The following GPC6 variants were observed in gnomAD, a reference collection of about 807,000 sequenced individuals.
GPC6 encodes glypican 6.
In GPC6, 14 loss-of-function variants were observed where a neutral mutation model predicts 55.2. That is an observed-to-expected ratio of 0.25 (90% CI 0.17 to 0.40). GPC6 has a LOEUF of 0.40. Among genes scored for constraint, GPC6 ranks in the 10% least tolerant of loss-of-function variants. The pLI, the probability that GPC6 is intolerant of heterozygous loss-of-function variation, is 1.00. For synonymous variants in GPC6, 278 were observed against 259.6 expected, an observed-to-expected ratio of 1.07 and a Z score of -0.68; for missense variants, 641 against 708.5, an observed-to-expected ratio of 0.90 and a Z score of 1.08.
intron 3 of GPC6, among the ~76,000 whole-genome samples, chr13:93,919,295 A>G (rs547049004): frequency 1.9e-4 from 29 of 152,270 alleles, no homozygotes; most frequent in African/African-American, 6.5e-4. Context: ...CACAAGAAAG[A>G]CCTAATGCAG....
intron 3 of GPC6, among the ~76,000 whole-genome samples, chr13:93,919,060 G>A (rs559597970): frequency 6.6e-6 from 1 of 152,266 alleles, no homozygotes; most frequent in Admixed American, 6.5e-5. Context: ...TGACGAGTGA[G>A]TTCTTGGTCA....
intron 2 of GPC6, among the ~76,000 whole-genome samples, chr13:93,739,335 C>A (rs12584151): frequency 0.051 from 7,696 of 151,960 alleles, 392 homozygotes; most frequent in East Asian, 0.28. Flanking sequence ...AAAAGGGAGT[C>A]ATTTTTCCTG....
At chr13:94,174,859 A>G (rs1034553159) in intron 4 of GPC6, among the ~76,000 whole-genome samples, 2 of 152,114 alleles carry the variant, frequency 1.3e-5, no homozygotes, top group Non-Finnish European at 2.9e-5. Context: ...TTAATTTTTT[A>G]ATTTACCTAT....
At chr13:93,505,669 A>C (rs1880686497) in intron 1 of GPC6, among the ~76,000 whole-genome samples, 1 of 152,190 alleles carries the variant, frequency 6.6e-6, no homozygotes, top group African/African-American at 2.4e-5. Flanking sequence ...AAAGCACAAA[A>C]ATGCAAAAGA....
intron 4 of GPC6, among the ~76,000 whole-genome samples, chr13:94,250,715 A>G (rs1053368171): frequency 6.6e-6 from 1 of 152,102 alleles, no homozygotes; most frequent in Non-Finnish European, 1.5e-5. Context: ...TAATCTGGGA[A>G]TGGGGAAGTT....
chr13:94,337,080 A>G (rs59573621), intron 6 of GPC6, among the ~76,000 whole-genome samples: 2 of 152,224 alleles, frequency 1.3e-5, no homozygotes, highest in East Asian at 1.9e-4. Flanking sequence ...CCCTGTTCAG[A>G]GACAAATCTG....
intron 1 of GPC6, among the ~76,000 whole-genome samples, chr13:93,445,865 G>A (rs573495945): frequency 4.6e-5 from 7 of 152,228 alleles, no homozygotes; most frequent in African/African-American, 1.7e-4. Flanking sequence ...AAATATTAAT[G>A]GTTATACAAA....
At chr13:93,224,089 G>T (rs1181190882), upstream of GPC6, among the ~76,000 whole-genome samples, 1 of 151,734 alleles carries the variant, frequency 6.6e-6, no homozygotes, top group African/African-American at 2.4e-5. Flanking sequence ...TAGTAGAGAC[G>T]GGGTTTCACC....
chr13:93,660,701 G>C (rs1313165416), intron 2 of GPC6, among the ~76,000 whole-genome samples: 1 of 152,168 alleles, frequency 6.6e-6, no homozygotes, highest in African/African-American at 2.4e-5. Context: ...TTTGGGCTGA[G>C]GGTGAGAGAT....
At chr13:93,425,636 T>G (rs962035961) in intron 1 of GPC6, among the ~76,000 whole-genome samples, 4 of 152,220 alleles carry the variant, frequency 2.6e-5, no homozygotes, top group African/African-American at 9.6e-5. Flanking sequence ...CATGCTCCAG[T>G]AATCTCAGAA....
chr13:93,600,800 A>C (rs554654560), intron 2 of GPC6, among the ~76,000 whole-genome samples: 1 of 151,674 alleles, frequency 6.6e-6, no homozygotes, highest in South Asian at 2.1e-4. Context: ...AAATACAAAA[A>C]TTAGCCAGGT....
At chr13:93,528,529 T>C (rs1237029678) in intron 1 of GPC6, among the ~76,000 whole-genome samples, 2 of 152,148 alleles carry the variant, frequency 1.3e-5, no homozygotes, top group Non-Finnish European at 2.9e-5. Context: ...TAATGAGATC[T>C]AACCAAACTT....
intron 4 of GPC6, among the ~76,000 whole-genome samples, chr13:94,040,409 A>T (rs990689754): frequency 6.6e-6 from 1 of 151,892 alleles, no homozygotes; most frequent in African/African-American, 2.4e-5. Flanking sequence ...GCAATGAAAC[A>T]TTCGAGATAC....
chr13:94,145,759 C>T (rs1887541776), intron 4 of GPC6, among the ~76,000 whole-genome samples: 1 of 152,108 alleles, frequency 6.6e-6, no homozygotes, highest in Non-Finnish European at 1.5e-5. Flanking sequence ...TTAAAGGAGT[C>T]ATACTTATAA....
intron 1 of GPC6, among the ~76,000 whole-genome samples, chr13:93,278,640 A>G (rs547309743): frequency 3.3e-4 from 50 of 152,310 alleles, no homozygotes; most frequent in African/African-American, 1.2e-3. Context: ...TTCTTTTTTA[A>G]TTAGTGTCAT....
chr13:94,229,630 T>C lies in GPC6; in HGVS notation c.878-56719T>C, dbSNP rs1436479098. On this transcript the variant is annotated intron_variant, in intron 4 of 8. Transcript: ENST00000377047. ...ACTGCTGCATGAAAAACGTTTGCAGTTGGGTGATCTCCCCCTGCTCAATAA... is the reference window on the plus strand; with the variant it reads ...ACTGCTGCATGAAAAACGTTTGCAGCTGGGTGATCTCCCCCTGCTCAATAA... Among the ~76,000 whole-genome samples the C allele has an allele frequency of 2.0e-5, 3 of 152,310 alleles. No individual in the cohort carries two copies. The East Asian group carries it at 5.8e-4, about 29-fold the overall frequency.
intron 2 of GPC6, among the ~76,000 whole-genome samples, chr13:93,631,352 T>C (rs1023667596): frequency 6.6e-6 from 1 of 152,164 alleles, no homozygotes; most frequent in Non-Finnish European, 1.5e-5. Context: ...GGAGTTTCTC[T>C]GGGGACCTCT....
intron 6 of GPC6, among the ~76,000 whole-genome samples, chr13:94,321,331 G>A (rs562082935): frequency 2.6e-5 from 4 of 152,250 alleles, no homozygotes; most frequent in South Asian, 4.2e-4. Context: ...GGACATGTAG[G>A]TTGATTCCAT....
intron 4 of GPC6, among the ~76,000 whole-genome samples, chr13:94,238,180 G>A (rs1345149748): frequency 1.3e-5 from 2 of 152,122 alleles, no homozygotes; most frequent in Admixed American, 6.6e-5. Context: ...GCTTTTAGAT[G>A]TCCTTCTATT....
Sources: gnomAD v4.1 joint callset for allele counts (sites outside exome capture counted in the v4.1 genomes callset) on GRCh38, gnomAD v4.1.1 for gene constraint, MANE v1.5 for transcripts, NCBI Gene and HGNC (gene_info 2026-07-23, HGNC 2026-07-21) for gene names.